The following HELB variants were observed in gnomAD, a reference collection of about 807,000 sequenced individuals.
HELB encodes the protein DNA 5'-3' helicase B.
Under a neutral mutation model 101.7 loss-of-function variants are expected in HELB, and 96 were observed. That is an observed-to-expected ratio of 0.94 (90% confidence interval 0.80 to 1.12). The LOEUF (loss-of-function observed/expected upper bound fraction) is 1.12, where lower values mean the gene tolerates loss of function less well. HELB is among the 50% of genes most tolerant of loss of function. The probability of loss-of-function intolerance (pLI) is 0.00; values close to 1 mark genes in which losing one functional copy is unlikely to be tolerated. For missense variants in HELB, 1,210 were observed against 1,291.9 expected, an observed-to-expected ratio of 0.94 and a Z score of 0.97; for synonymous variants, 437 against 459.7, an observed-to-expected ratio of 0.95 and a Z score of 0.63.
At chr12:66,305,252 A>G (rs1397063387) in intron 2 of HELB, 102 bp downstream of exon 2, 2 of 775,434 alleles carry the variant, frequency 2.6e-6, no homozygotes, top group East Asian at 5.3e-5. Flanking sequence ...TTAAAAATCC[A>G]TTTGGTGAAA....
chr12:66,322,249 G>A (rs895074830), intron 8 of HELB, among the ~76,000 whole-genome samples: 2 of 152,024 alleles, frequency 1.3e-5, no homozygotes, highest in African/African-American at 4.8e-5. Flanking sequence ...ACTCTGAATG[G>A]AACAAAAGCT....
intron 12 of HELB, among the ~76,000 whole-genome samples, chr12:66,333,099 T>A (rs2053827368): frequency 6.6e-6 from 1 of 152,114 alleles, no homozygotes; most frequent in Non-Finnish European, 1.5e-5. Context: ...ATCTAAATGT[T>A]AAGGGAGGAA....
At position 66,304,875 on chromosome 12, in the gene HELB, C is replaced by T; in HGVS notation, c.332C>T (p.Ser111Phe). The T allele has an allele frequency of 1.2e-6, 2 of 1,614,106 alleles. No homozygotes were observed. Among genetic ancestry groups the T allele is most frequent in the South Asian group, 1.1e-5 (1 of 91,084 alleles). ...CAATATCAAGTTCAAGGATTTCCGTCTTACTTTTTGCAGTCTGATATGTCA... is the reference window on the plus strand; with the variant it reads ...CAATATCAAGTTCAAGGATTTCCGTTTTACTTTTTGCAGTCTGATATGTCA... ...SYQYQVQGFP[S>F]YFLQSDMSPP... The change falls in exon 2 of 13, where the codon TCT (serine) becomes TTT (phenylalanine). Residue 111 changes from serine (S) to phenylalanine (F), a missense_variant. Coordinates refer to ENST00000247815, the MANE Select transcript of HELB (RefSeq NM_001370285.1).
At chr12:66,308,768 A>G (rs892874781) in intron 3 of HELB, among the ~76,000 whole-genome samples, 1 of 152,164 alleles carries the variant, frequency 6.6e-6, no homozygotes, top group Admixed American at 6.5e-5. Flanking sequence ...GACCTCATCA[A>G]TGAGGTGAAT....
chr12:66,339,723 G>C (rs2053902774), downstream of HELB: 1 of 152,182 alleles, frequency 6.6e-6, no homozygotes, highest in South Asian at 2.1e-4. Context: ...TCACGCCATT[G>C]CACTCCAGCC....
chr12:66,322,746 G>A lies in HELB; in HGVS notation c.2260G>A (p.Asp754Asn), dbSNP rs772072453. 19 of 1,610,626 alleles carry A rather than the reference G, an allele frequency of 1.2e-5. No individual in the cohort carries two copies. The Admixed American group carries it at 2.7e-4, about 23-fold the overall frequency. Residue 754 changes from aspartate to asparagine, a missense_variant, in exon 9 of 13, where the codon GAC (aspartate) becomes AAC (asparagine). Around this residue, in one of 2 missense-constraint regions of HELB, gnomAD observed 740 missense variants for 728.8 expected, o/e 1.02. Transcript: ENST00000247815. ...FRRQDCDLIN[D>N]CCCKHYTGHL... ...CAGGCAAGACTGTGATCTAATTAAT[G>A]ACTGCTGCTGCAAACACTACACAGG...
rs1164428090 is a variant in HELB, at chr12:66,302,644, C to T, written c.41C>T (p.Pro14Leu). 1 of 1,614,160 alleles carries T rather than the reference C, an allele frequency of 6.2e-7. No homozygotes were observed. Among genetic ancestry groups the T allele is most frequent in the Non-Finnish European group, 8.5e-7 (1 of 1,179,982 alleles). The change falls in exon 1 of 13, where the codon CCT becomes CTT. Residue 14 changes from proline to leucine, a missense_variant. By Grantham distance (98) the Pro-to-Leu change is moderately conservative. Transcript: ENST00000247815. ...SSPYLRQLQG[P>L]LLPPRDLVEE... ...CCGTACCTGCGCCAACTTCAGGGACCTCTGCTCCCACCCAGGGATCTGGTG... is the reference window on the plus strand; with the variant it reads ...CCGTACCTGCGCCAACTTCAGGGACTTCTGCTCCCACCCAGGGATCTGGTG...
chr12:66,313,606 A>G (rs1175979757), intron 4 of HELB, among the ~76,000 whole-genome samples: 1 of 152,124 alleles, frequency 6.6e-6, no homozygotes, highest in Non-Finnish European at 1.5e-5. Context: ...AAAAAGTAGT[A>G]TTTTCATAAT....
Position 66,315,263 on chromosome 12 carries a change from G to A in HELB, c.1880G>A (p.Ser627Asn). The A allele has an allele frequency of 2.5e-6, 4 of 1,607,098 alleles. No homozygotes were observed. The highest frequency in any genetic ancestry group is 2.5e-6 in the Non-Finnish European group (3 of 1,176,636). The part of the protein sequence containing the change: ...IILGDIRQLP[S>N]IEPGNLLKDL... ...TTAGGTGACATTAGACAGTTACCCAGTATTGAACCTGGTAACTTGCTGAAA... is the reference window on the plus strand; with the variant it reads ...TTAGGTGACATTAGACAGTTACCCAATATTGAACCTGGTAACTTGCTGAAA... Residue 627 changes from serine (S) to asparagine (N), a missense_variant, in exon 6 of 13, where the codon AGT becomes AAT. Ser to Asn is a conservative substitution (Grantham distance 46, BLOSUM62 1). Transcript: ENST00000247815.
chr12:66,310,898 C>T (rs1291614712), intron 4 of HELB, among the ~76,000 whole-genome samples: 2 of 152,150 alleles, frequency 1.3e-5, no homozygotes, highest in African/African-American at 2.4e-5. Flanking sequence ...CCACTGCGCT[C>T]CAGCCTGGGC....
chr12:66,315,443 C>A, intron 6 of HELB, 60 bp downstream of exon 6: 3 of 1,307,280 alleles, frequency 2.3e-6, no homozygotes, highest in Non-Finnish European at 3.1e-6. Context: ...TAAAAAATGG[C>A]CTTTGAATTA....
chr12:66,328,644 G>C (rs2053770125), intron 11 of HELB, among the ~76,000 whole-genome samples: 1 of 152,130 alleles, frequency 6.6e-6, no homozygotes, highest in South Asian at 2.1e-4. Context: ...TTGGGTATGT[G>C]AATCTTCTTT....
chr12:66,334,479 A>G (rs893128263), intron 12 of HELB, among the ~76,000 whole-genome samples: 2 of 148,616 alleles, frequency 1.3e-5, no homozygotes, highest in African/African-American at 2.5e-5. Context: ...AAGAAAAAAA[A>G]AAAAAAAAAG....
At chr12:66,335,249 T>C (rs761794944) in intron 12 of HELB, among the ~76,000 whole-genome samples, 1 of 152,176 alleles carries the variant, frequency 6.6e-6, no homozygotes, top group Non-Finnish European at 1.5e-5. Context: ...TTGGGAATCA[T>C]TGGCATGTAG....
downstream of HELB, chr12:66,339,011 T>C (rs1166647724): frequency 6.6e-6 from 1 of 152,218 alleles, no homozygotes; most frequent in Non-Finnish European, 1.5e-5. Flanking sequence ...TTTTTATTTA[T>C]GTTAAATGGT....
At chr12:66,323,026 C>A (rs1254235371) in intron 9 of HELB, among the ~76,000 whole-genome samples, 6 of 151,730 alleles carry the variant, frequency 4.0e-5, no homozygotes, top group Admixed American at 3.3e-4. Context: ...TGGTTTCAAC[C>A]TTGGCAGCCT....
chr12:66,311,568 TCA>T (rs2053545725), intron 4 of HELB, among the ~76,000 whole-genome samples: 1 of 152,138 alleles, frequency 6.6e-6, no homozygotes, highest in African/African-American at 2.4e-5. Flanking sequence ...TACAAACATG[TCA>T]CAGTCCATAG....
At chr12:66,328,411 A>G (rs769733610) in intron 11 of HELB, among the ~76,000 whole-genome samples, 2 of 152,010 alleles carry the variant, frequency 1.3e-5, no homozygotes, top group African/African-American at 2.4e-5. Context: ...AAAATACAAA[A>G]CAGTAGCCAG....
chr12:66,315,108 A>G (rs2053588800), intron 5 of HELB, 134 bp from the exon 6 acceptor site: 1 of 532,180 alleles, frequency 1.9e-6, no homozygotes, highest in Non-Finnish European at 3.0e-6. Context: ...TGTTATTACT[A>G]TTTTTATATC....
Sources: allele counts gnomAD v4.1 joint callset (sites outside exome capture counted in the v4.1 genomes callset), GRCh38; gene constraint gnomAD v4.1.1; regional missense constraint gnomAD v4.1.1; transcripts MANE v1.5; gene names NCBI Gene and HGNC (gene_info 2026-07-23, HGNC 2026-07-21).